GON4L: variants seen among roughly 807,000 people sequenced by gnomAD.
GON4L encodes gon-4 like, also known as GON-4-like protein.
In GON4L, 87 loss-of-function variants were observed where a neutral mutation model predicts 211.8. The ratio of observed to expected loss-of-function variants is 0.41; its 90% confidence interval spans 0.35 to 0.49. The LOEUF (loss-of-function observed/expected upper bound fraction) is 0.49, where lower values mean the gene tolerates loss of function less well. Ranked by LOEUF, GON4L falls within the 20% of genes least tolerant of loss-of-function variation. The probability of loss-of-function intolerance (pLI) is 0.15; values close to 1 mark genes in which losing one functional copy is unlikely to be tolerated. For missense variants in GON4L, 2,155 were observed against 2,659.5 expected (o/e 0.81, Z 4.17); for synonymous variants, 875 against 962.6 (o/e 0.91, Z 1.68).
intron 12 of GON4L, among the ~76,000 whole-genome samples, chr1:155,794,434 C>T (rs527523072): frequency 6.6e-6 from 1 of 152,278 alleles, no homozygotes; most frequent in South Asian, 2.1e-4. Flanking sequence ...ATCTTATCTA[C>T]CACTTCTCTG....
At chr1:155,840,137 C>T (rs972246482) in intron 2 of GON4L, among the ~76,000 whole-genome samples, 1 of 152,184 alleles carries the variant, frequency 6.6e-6, no homozygotes, top group South Asian at 2.1e-4. Context: ...ATTCTATACT[C>T]TTGGTTTTTC....
intron 3 of GON4L, among the ~76,000 whole-genome samples, chr1:155,825,551 G>C (rs1669121173): frequency 7.2e-6 from 1 of 138,586 alleles, no homozygotes; most frequent in South Asian, 2.4e-4. Flanking sequence ...CAGTCTGGGT[G>C]ACAGAGCAAG....
intron 24 of GON4L, 130 bp downstream of exon 24, chr1:155,760,314 C>T: frequency 1.7e-6 from 1 of 580,420 alleles, no homozygotes; most frequent in African/African-American, 1.9e-5. Flanking sequence ...GCTTTTATCA[C>T]TCTGGGCTAG....
intron 11 of GON4L, among the ~76,000 whole-genome samples, chr1:155,800,553 CTCA>C (rs1242538241): frequency 2.1e-5 from 3 of 145,194 alleles, no homozygotes; most frequent in African/African-American, 5.1e-5. Context: ...GTGAAACTCT[CTCA>C]AAAAAAAATG....
intron 2 of GON4L, among the ~76,000 whole-genome samples, chr1:155,835,590 C>T (rs1571902484): frequency 6.6e-6 from 1 of 152,036 alleles, no homozygotes; most frequent in South Asian, 2.1e-4. Context: ...CTGGGATTTT[C>T]GTCATTTGGT....
chr1:155,814,286 T>TA, intron 9 of GON4L, 44 bp downstream of exon 9: 1 of 1,560,512 alleles, frequency 6.4e-7, no homozygotes, highest in Non-Finnish European at 8.8e-7. Context: ...AAAATCTACT[T>TA]AGACAGTTAT....
At chr1:155,771,343 C>G in intron 18 of GON4L, 126 bp from the exon 19 acceptor site, 1 of 1,325,058 alleles carries the variant, frequency 7.5e-7, no homozygotes, top group Non-Finnish European at 1.1e-6. Flanking sequence ...ACGCTGTCAC[C>G]CAGGCTGGAG....
Position 155,826,838 on chromosome 1 carries a change from C to T in GON4L, c.696G>A (p.Met232Ile). 6.3e-7 allele frequency: 1 copy of T among 1,596,426 alleles called. No homozygotes were observed. The highest frequency in any genetic ancestry group is 8.6e-7 in the Non-Finnish European group (1 of 1,164,396). ...EIEDGGLFIP[M>I]EEQDNEESEK... is the part of the protein sequence containing the mutation. Reference sequence around the variant, plus strand: ...ATTAAAAAGAAAAAGAAAGCCTACCCATTGGAATGAAGAGTCCACCATCTT... The same window carrying T: ...ATTAAAAAGAAAAAGAAAGCCTACCTATTGGAATGAAGAGTCCACCATCTT... The change falls in exon 3 of 32, where the codon ATG (methionine) becomes ATA (isoleucine). Residue 232 changes from methionine to isoleucine, a missense_variant and splice_region_variant. By Grantham distance (10) the Met-to-Ile change is conservative. Around this residue, in one of 6 missense-constraint regions of GON4L, gnomAD observed 313 missense variants for 293.2 expected, o/e 1.07. Transcript: ENST00000368331.
intron 2 of GON4L, among the ~76,000 whole-genome samples, chr1:155,840,722 G>A (rs1435548818): frequency 9.2e-5 from 14 of 152,144 alleles, no homozygotes; most frequent in Non-Finnish European, 7.3e-5. Context: ...CTTTAGACCT[G>A]GGCAAAAGGG....
intron 5 of GON4L, 81 bp downstream of exon 5, chr1:155,821,393 T>C: frequency 1.2e-6 from 1 of 842,366 alleles, no homozygotes; most frequent in South Asian, 1.3e-5. Flanking sequence ...GTTTACAAAC[T>C]CCTAAGTGAC....
At chr1:155,820,528 A>G (rs528093894) in intron 6 of GON4L, 78 bp downstream of exon 6, 51 of 943,176 alleles carry the variant, frequency 5.4e-5, no homozygotes, top group African/African-American at 5.0e-4. Flanking sequence ...AATCTTTCCT[A>G]TATTTTTCCC....
At chr1:155,829,760 T>C (rs754466807) in intron 2 of GON4L, among the ~76,000 whole-genome samples, 22 of 152,182 alleles carry the variant, frequency 1.4e-4, no homozygotes, top group Admixed American at 7.2e-4. Context: ...CTTCTCTTTC[T>C]GAGGTCTTTT....
At chr1:155,828,757 G>A (rs995774103) in intron 2 of GON4L, among the ~76,000 whole-genome samples, 5 of 145,684 alleles carry the variant, frequency 3.4e-5, no homozygotes, top group African/African-American at 7.6e-5. Context: ...GCAGTGTGCC[G>A]AGATCGCGCC....
In GON4L at chr1:155,766,070, G is replaced by A. The variant is rs1662430607; in HGVS notation, c.3403C>T (p.Pro1135Ser). 6.2e-7 allele frequency: 1 copy of A among 1,614,152 alleles called. No individual in the cohort carries two copies. The highest frequency in any genetic ancestry group is 8.5e-7 in the Non-Finnish European group (1 of 1,180,014). The change falls in exon 21 of 32, where the codon CCT becomes TCT. Residue 1135 changes from proline to serine, a missense_variant. Coordinates refer to ENST00000368331, the MANE Select transcript of GON4L (RefSeq NM_001282860.2). Reference sequence around the variant, plus strand: ...ACAGATGCAGGGTGGTGGATAACAGGGGCAGGTTTCATACAGGGAGAGGCC... The same window carrying A: ...ACAGATGCAGGGTGGTGGATAACAGAGGCAGGTTTCATACAGGGAGAGGCC... ...VKASPCMKPA[P>S]VIHHPASVIF...
In GON4L at chr1:155,766,379, G is replaced by T. The variant is rs772851699; in HGVS notation, c.3094C>A (p.Pro1032Thr). 3 of 1,614,170 alleles carry T rather than the reference G, an allele frequency of 1.9e-6. No homozygotes were observed. In the Admixed American group the frequency reaches 5.0e-5, roughly 27 times the overall value. The change falls in exon 21 of 32, where the codon CCG (proline) becomes ACG (threonine). Residue 1032 changes from proline to threonine, a missense_variant. By Grantham distance (38) the Pro-to-Thr change is conservative (BLOSUM62 -1). Coordinates refer to ENST00000368331, the MANE Select transcript of GON4L (RefSeq NM_001282860.2). ...PARSTHSEAPPSKMVLRIPHP... is the reference protein window; with the variant it reads ...PARSTHSEAPTSKMVLRIPHP... ...GGAATCCGGAGCACCATTTTGCTCG[G>T]AGGGGCTTCTGAATGAGTTGATCGG...
intron 22 of GON4L, among the ~76,000 whole-genome samples, chr1:155,763,035 CA>C (rs1352174606): frequency 3.6e-5 from 5 of 139,246 alleles, no homozygotes; most frequent in African/African-American, 5.3e-5. Flanking sequence ...GACTCCGTCT[CA>C]AAAAAAAAAT....
intron 21 of GON4L, chr1:155,764,627 G>A: frequency 2.1e-6 from 1 of 483,976 alleles, no homozygotes; most frequent in East Asian, 3.9e-5. Flanking sequence ...TTTTAATATA[G>A]ATGGGGTTTT....
chr1:155,782,188 T>C (rs1372311935), intron 14 of GON4L, among the ~76,000 whole-genome samples: 4 of 152,232 alleles, frequency 2.6e-5, no homozygotes, highest in Admixed American at 2.6e-4. Context: ...GTTTTTACTA[T>C]CTATGGACTT....
At chr1:155,789,458 C>T (rs963247315) in intron 12 of GON4L, among the ~76,000 whole-genome samples, 2 of 151,684 alleles carry the variant, frequency 1.3e-5, no homozygotes, top group African/African-American at 4.8e-5. Context: ...GGTGAAACCC[C>T]GTCTCTACTA....
Sources: gnomAD v4.1 joint callset for allele counts (sites outside exome capture counted in the v4.1 genomes callset) on GRCh38, gnomAD v4.1.1 for gene constraint, gnomAD v4.1.1 regional missense constraint, MANE v1.5 for transcripts, NCBI Gene and HGNC (gene_info 2026-07-23, HGNC 2026-07-21) for gene names.